SLC15A2: variants seen among roughly 807,000 people sequenced by gnomAD.
The protein encoded by SLC15A2 is solute carrier family 15 member 2, also known as kidney H(+)/peptide cotransporter.
SLC15A2 carries 77 observed loss-of-function variants against 95.5 expected under a neutral mutation model. That is an observed-to-expected ratio of 0.81 (90% confidence interval 0.67 to 0.97). SLC15A2 has a LOEUF of 0.97. SLC15A2 is among the 50% of genes least tolerant of loss of function. The probability of loss-of-function intolerance (pLI) is 0.00; values close to 1 mark genes in which losing one functional copy is unlikely to be tolerated. For missense variants in SLC15A2, 893 were observed against 874.4 expected, an observed-to-expected ratio of 1.02 and a Z score of -0.27; for synonymous variants, 306 against 306.9, an observed-to-expected ratio of 1.00 and a Z score of 0.03.
Position 121,942,952 on chromosome 3 carries a change from C to G in SLC15A2, c.*1945C>G, listed in dbSNP as rs1431749769. 1.3e-5 allele frequency: 2 copies of G among 151,790 alleles called. No homozygotes were observed. The highest frequency in any genetic ancestry group is 6.6e-5 in the Admixed American group (1 of 15,256). 9.4% of individuals were successfully genotyped at this position (151,790 alleles called of 1,614,324 possible). On this transcript the variant is annotated 3_prime_UTR_variant, in exon 22 of 22. Transcript: ENST00000489711. ...AAACCTCCTACCATTGTTTTTTTTC[C>G]CCTGTAGCTAACAAGAATAAGTATA...
intron 4 of SLC15A2, 29 bp downstream of exon 4, chr3:121,911,695 T>C (rs1415050213): frequency 1.5e-6 from 2 of 1,342,120 alleles, no homozygotes; most frequent in Admixed American, 3.4e-5. Context: ...TCAACTAAAC[T>C]ACTTTTCTCA....
chr3:121,908,795 T>C (rs79150448), intron 3 of SLC15A2, among the ~76,000 whole-genome samples: 2,721 of 152,302 alleles, frequency 0.018, 89 homozygotes, highest in African/African-American at 0.062. Flanking sequence ...TTTTCCACAT[T>C]AACTTGTTCA....
At chr3:121,896,737 G>A (rs556031304) in intron 2 of SLC15A2, among the ~76,000 whole-genome samples, 2 of 151,750 alleles carry the variant, frequency 1.3e-5, no homozygotes, top group South Asian at 4.2e-4. Context: ...TGGGTAAGTG[G>A]GTGGAGCTGG....
chr3:121,903,228 TC>T (rs1709553846), intron 3 of SLC15A2, among the ~76,000 whole-genome samples: 1 of 152,244 alleles, frequency 6.6e-6, no homozygotes, highest in Admixed American at 6.5e-5. Context: ...TTGTTTAAGT[TC>T]TTTGTAGATT....
intron 3 of SLC15A2, among the ~76,000 whole-genome samples, chr3:121,906,261 T>G (rs1397030994): frequency 6.6e-6 from 1 of 152,230 alleles, no homozygotes; most frequent in Non-Finnish European, 1.5e-5. Context: ...TCTCTGCACA[T>G]GAGATGGTTC....
rs894406532 is a variant in SLC15A2 at position 121,941,541 on chromosome 3, G to A, written c.*534G>A. On this transcript the variant is annotated 3_prime_UTR_variant, in exon 22 of 22. Coordinates refer to ENST00000489711, the MANE Select transcript of SLC15A2 (RefSeq NM_021082.4). ...CTTGTCAGCTCTCTAGGTTTGATAT[G>A]ACTTTAGTAAATTTGTCAATATAGA... The A allele has an allele frequency of 3.3e-5, 5 of 152,122 alleles. No homozygotes were observed. The highest frequency in any genetic ancestry group is 1.2e-4 in the African/African-American group (5 of 41,420). 9.4% of individuals were successfully genotyped at this position (152,122 alleles called of 1,614,324 possible).
chr3:121,923,002 C>T (rs764254682), intron 9 of SLC15A2, 38 bp from the exon 10 acceptor site: 20 of 1,600,440 alleles, frequency 1.2e-5, no homozygotes, highest in Middle Eastern at 1.7e-4. Flanking sequence ...ATGTACAGAA[C>T]TTCTAGCATT....
At chr3:121,908,002 G>A (rs1576673497) in intron 3 of SLC15A2, among the ~76,000 whole-genome samples, 1 of 152,352 alleles carries the variant, frequency 6.6e-6, no homozygotes, top group Non-Finnish European at 1.5e-5. Flanking sequence ...GTCTACAGAG[G>A]CAGCAGGCCT....
intron 1 of SLC15A2, among the ~76,000 whole-genome samples, chr3:121,895,130 C>T (rs1324393267): frequency 6.6e-6 from 1 of 152,178 alleles, no homozygotes; most frequent in Non-Finnish European, 1.5e-5. Flanking sequence ...AATTCTTACA[C>T]TAAAATTCTG....
intron 20 of SLC15A2, 34 bp from the exon 21 acceptor site, chr3:121,940,350 G>A (rs3817599): frequency 0.77 from 1,184,000 of 1,546,940 alleles, 455,187 homozygotes; most frequent in East Asian, 0.88. Context: ...CAGTGAAGGG[G>A]GTTTGTTTAC....
intron 3 of SLC15A2, among the ~76,000 whole-genome samples, chr3:121,907,250 C>T (rs546849525): frequency 6.6e-6 from 1 of 152,310 alleles, no homozygotes; most frequent in East Asian, 1.9e-4. Context: ...AGCCATTCAT[C>T]TAATCTTTTT....
intron 7 of SLC15A2, among the ~76,000 whole-genome samples, chr3:121,919,594 T>C (rs1479065691): frequency 6.6e-6 from 1 of 152,122 alleles, no homozygotes; most frequent in African/African-American, 2.4e-5. Flanking sequence ...AAGACGGAGA[T>C]AGAAGTTCTC....
chr3:121,924,236 T>C (rs1170916256), intron 11 of SLC15A2, 115 bp from the exon 12 acceptor site: 3 of 839,224 alleles, frequency 3.6e-6, no homozygotes, highest in African/African-American at 1.7e-5. Flanking sequence ...AAAGACCTGA[T>C]GAATTTTCTC....
intron 3 of SLC15A2, among the ~76,000 whole-genome samples, chr3:121,907,184 T>C (rs1709666591): frequency 6.6e-6 from 1 of 151,088 alleles, no homozygotes. Context: ...TCTCGTGCCA[T>C]GGTTTTCAGC....
rs1429907340 is a variant in SLC15A2, at chr3:121,941,788, ATTC to A, written c.*787_*789del. On this transcript the variant is annotated 3_prime_UTR_variant, in exon 22 of 22. Transcript: ENST00000489711. ...AGCCAGTCATTCTTTTACAGAGTACATTCTTCTTAGCCTCTATGGCGCTGGTCT... is the reference window on the plus strand; with the variant it reads ...AGCCAGTCATTCTTTTACAGAGTACATTCTTAGCCTCTATGGCGCTGGTCT... 6.6e-6 allele frequency: 1 copy of A among 152,226 alleles called. No individual in the cohort carries two copies. Among genetic ancestry groups the A allele is most frequent in the East Asian group, 1.9e-4 (1 of 5,200 alleles). The allele number at this position is 152,226 out of a possible 1,614,324, so 9.4% of individuals were successfully genotyped here.
chr3:121,910,247 T>A (rs1397774748), intron 3 of SLC15A2, among the ~76,000 whole-genome samples: 5 of 143,856 alleles, frequency 3.5e-5, no homozygotes, highest in Non-Finnish European at 7.5e-5. Flanking sequence ...CAGTATGGAG[T>A]GCAGTGGCAC....
rs749482016 is a variant in SLC15A2 at position 121,929,298 on chromosome 3, G to T, written c.1507-4G>T. On this transcript the variant is annotated splice_region_variant and splice_polypyrimidine_tract_variant and intron_variant, in intron 16 of 21. Transcript: ENST00000489711. ...TTACTGATTTTTACTTTCCTCTGTT[G>T]TAGGTAAAGGATACAGAAAGCAGAA... The T allele has an allele frequency of 2.0e-5, 32 of 1,613,798 alleles. No individual in the cohort carries two copies. In the South Asian group the frequency reaches 3.3e-4, roughly 17 times the overall value.
In SLC15A2 at chr3:121,895,674, G is replaced by C. The variant is rs187539576; in HGVS notation, c.106-732G>C. On this transcript the variant is annotated intron_variant, in intron 1 of 21. Transcript: ENST00000489711. The stretch of plus-strand genomic sequence containing the variant: ...GTTAGTTGGTCTATTGTAATAGATA[G>C]GGAATTAAAATAAAACATAACATTC... 1.1e-3 allele frequency among the ~76,000 whole-genome samples: 172 copies of C among 152,220 alleles called. 1 individual carries two copies. Among genetic ancestry groups the C allele is most frequent in the Middle Eastern group, 0.01 (3 of 294 alleles).
intron 7 of SLC15A2, among the ~76,000 whole-genome samples, chr3:121,920,489 T>C (rs1709983552): frequency 6.6e-6 from 1 of 152,106 alleles, no homozygotes; most frequent in African/African-American, 2.4e-5. Flanking sequence ...GAGATGGGGT[T>C]TCACCATGTT....
Sources: allele counts gnomAD v4.1 joint callset (sites outside exome capture counted in the v4.1 genomes callset), GRCh38; gene constraint gnomAD v4.1.1; transcripts MANE v1.5; gene names NCBI Gene and HGNC (gene_info 2026-07-23, HGNC 2026-07-21).